Variants in CSGALNACT1 observed in about 807,000 individuals in gnomAD.
CSGALNACT1 encodes the protein chondroitin sulfate N-acetylgalactosaminyltransferase 1, also known as beta4GalNAcT-1.
CSGALNACT1 carries 52 observed loss-of-function variants against 51.0 expected under a neutral mutation model. That is an observed-to-expected ratio of 1.02 (90% confidence interval 0.82 to 1.29). CSGALNACT1 has a LOEUF of 1.29. Among genes scored for constraint, CSGALNACT1 ranks in the 50% most tolerant of loss-of-function variants. CSGALNACT1 has a pLI of 0.00. For missense variants in CSGALNACT1, 935 were observed against 679.2 expected (o/e 1.38, Z -4.19); for synonymous variants, 341 against 254.4 (o/e 1.34, Z -3.24).
At chr8:19,619,480 A>G (rs2154159146) in intron 1 of CSGALNACT1, among the ~76,000 whole-genome samples, 1 of 152,168 alleles carries the variant, frequency 6.6e-6, no homozygotes, top group South Asian at 2.1e-4. Context: ...TTCTGAGTCC[A>G]TGATGTGGCT....
intron 2 of CSGALNACT1, among the ~76,000 whole-genome samples, chr8:19,599,516 G>GAAAGAAAGAAAC (rs2049892229): frequency 5.0e-5 from 6 of 119,196 alleles, no homozygotes; most frequent in African/African-American, 1.9e-4. Context: ...AAGAAAGAAA[G>GAAAGAAAGAAAC]AAAGAAAGAA....
At chr8:19,698,020 A>G (rs904966832) in intron 1 of CSGALNACT1, among the ~76,000 whole-genome samples, 1 of 152,162 alleles carries the variant, frequency 6.6e-6, no homozygotes, top group African/African-American at 2.4e-5. Flanking sequence ...TGTCAATTAG[A>G]AAGTCATGGT....
chr8:19,534,806 A>C (rs1372692152), intron 3 of CSGALNACT1, among the ~76,000 whole-genome samples: 1 of 152,250 alleles, frequency 6.6e-6, no homozygotes, highest in Non-Finnish European at 1.5e-5. Flanking sequence ...GCAGTTTGTT[A>C]GAACTAATCT....
chr8:19,528,445 G>C lies in CSGALNACT1; in HGVS notation c.-296-22315C>G, dbSNP rs539136086. Among the ~76,000 whole-genome samples the C allele has an allele frequency of 3.6e-4, 55 of 152,098 alleles. No homozygotes were observed. The South Asian group carries it at 3.9e-3, about 11-fold the overall frequency. ...CACTCCATAATTTTGTCTAAACACA[G>C]ACAAAAACAAGGTCAACATGTCACC... On this transcript the variant is annotated intron_variant, in intron 3 of 9. Transcript: ENST00000454498.
At chr8:19,478,042 C>T (rs191601512) in intron 4 of CSGALNACT1, among the ~76,000 whole-genome samples, 2 of 152,250 alleles carry the variant, frequency 1.3e-5, no homozygotes, top group Admixed American at 1.3e-4. Flanking sequence ...GTGATTCTAG[C>T]TCTAGGTCTG....
intron 3 of CSGALNACT1, chr8:19,531,851 G>A (rs2958596): frequency 1.3e-5 from 2 of 152,246 alleles, no homozygotes; most frequent in Non-Finnish European, 2.9e-5. Flanking sequence ...GCCAGATGCA[G>A]GTACTGCCCA....
At chr8:19,737,596 A>G (rs528025066) in intron 1 of CSGALNACT1, among the ~76,000 whole-genome samples, 22 of 152,128 alleles carry the variant, frequency 1.4e-4, no homozygotes, top group South Asian at 1.2e-3. Flanking sequence ...AAAAAATTGG[A>G]AAAAGAAAAA....
intron 5 of CSGALNACT1, among the ~76,000 whole-genome samples, chr8:19,458,137 G>A (rs951183881): frequency 6.6e-6 from 1 of 152,124 alleles, no homozygotes; most frequent in African/African-American, 2.4e-5. Context: ...GAGCCCCTCC[G>A]CAAGTCAGAA....
rs533713000 is a variant in CSGALNACT1 at position 19,453,211 on chromosome 8, C to T, written c.851+5215G>A. 3.9e-5 allele frequency among the ~76,000 whole-genome samples: 6 copies of T among 152,246 alleles called. No individual in the cohort carries two copies. In the South Asian group the frequency reaches 1.2e-3, roughly 32 times the overall value. On this transcript the variant is annotated intron_variant, in intron 5 of 9. Transcript: ENST00000454498. ...AAGAAAATTTCTTAGACATGTTTCA[C>T]ACTTTATTAACAAGAATATGAATTT...
At chr8:19,490,630 G>A (rs941462596) in intron 4 of CSGALNACT1, among the ~76,000 whole-genome samples, 1 of 152,168 alleles carries the variant, frequency 6.6e-6, no homozygotes, top group African/African-American at 2.4e-5. Context: ...TATGCTGATT[G>A]GTTCTCTCCA....
chr8:19,521,000 G>C lies in CSGALNACT1; in HGVS notation c.-296-14870C>G, dbSNP rs2080555559. Among the ~76,000 whole-genome samples the C allele has an allele frequency of 3.3e-5, 5 of 152,172 alleles. No individual in the cohort carries two copies. In the South Asian group the frequency reaches 8.3e-4, roughly 25 times the overall value. Reference sequence around the variant, plus strand: ...TTCACCATGAGGAAAAGCACTGATAGGTTAATCTGGAAATGCAGAATGCCC... The same window carrying C: ...TTCACCATGAGGAAAAGCACTGATACGTTAATCTGGAAATGCAGAATGCCC... On this transcript the variant is annotated intron_variant, in intron 3 of 9. Coordinates refer to ENST00000454498, the Ensembl canonical transcript of CSGALNACT1.
chr8:19,612,204 G>A lies in CSGALNACT1; in HGVS notation c.-543-10339C>T, dbSNP rs760701643. ...CTAAAAATACAAAATTTAGCAGAGC[G>A]TGATGGCACATGCCTGTAATTCTAG... On this transcript the variant is annotated intron_variant, in intron 1 of 9. Transcript: ENST00000332246. 2.0e-5 allele frequency among the ~76,000 whole-genome samples: 3 copies of A among 152,036 alleles called. 1 individual carries two copies. The highest frequency in any genetic ancestry group is 4.4e-5 in the Non-Finnish European group (3 of 68,012).
chr8:19,558,989 T>A (rs1022769896), intron 3 of CSGALNACT1, among the ~76,000 whole-genome samples: 11 of 152,312 alleles, frequency 7.2e-5, no homozygotes, highest in African/African-American at 2.4e-4. Context: ...ATATTTGATG[T>A]TCCTTGAACT....
At chr8:19,505,020 T>A (rs1018637097) in intron 4 of CSGALNACT1, among the ~76,000 whole-genome samples, 181 bp downstream of exon 3, 2 of 152,160 alleles carry the variant, frequency 1.3e-5, no homozygotes, top group African/African-American at 4.8e-5. Flanking sequence ...AGAAAGTAAG[T>A]GGAAACAGAT....
At chr8:19,458,901 A>G (rs753971996) in intron 4 of CSGALNACT1, among the ~76,000 whole-genome samples, 1 of 152,240 alleles carries the variant, frequency 6.6e-6, no homozygotes, top group Non-Finnish European at 1.5e-5. Flanking sequence ...AACTGTATTC[A>G]TAGGATACAG....
At chr8:19,703,183 C>G (rs2061975664) in intron 1 of CSGALNACT1, among the ~76,000 whole-genome samples, 1 of 152,130 alleles carries the variant, frequency 6.6e-6, no homozygotes, top group Admixed American at 6.5e-5. Flanking sequence ...GCTTTTCCTT[C>G]TCAACTAGAC....
chr8:19,539,484 T>C (rs2084572296), intron 3 of CSGALNACT1, among the ~76,000 whole-genome samples: 1 of 152,196 alleles, frequency 6.6e-6, no homozygotes, highest in African/African-American at 2.4e-5. Context: ...TAGAAAGCAC[T>C]GAATAAGTAC....
intron 3 of CSGALNACT1, among the ~76,000 whole-genome samples, chr8:19,507,466 C>A (rs2077555212): frequency 6.8e-6 from 1 of 147,984 alleles, no homozygotes; most frequent in Admixed American, 6.8e-5. Flanking sequence ...ACAGCACACT[C>A]CTCTTCAGAT....
chr8:19,651,572 T>C (rs2057804569), intron 1 of CSGALNACT1, among the ~76,000 whole-genome samples: 1 of 152,218 alleles, frequency 6.6e-6, no homozygotes, highest in Non-Finnish European at 1.5e-5. Context: ...AGCTCCATAC[T>C]TGTTGCTGCA....
Sources: allele counts gnomAD v4.1 joint callset (sites outside exome capture counted in the v4.1 genomes callset), GRCh38; gene constraint gnomAD v4.1.1; transcripts MANE v1.5; gene names NCBI Gene and HGNC (gene_info 2026-07-23, HGNC 2026-07-21).